VAV3: variants seen among roughly 807,000 people sequenced by gnomAD.
The protein encoded by VAV3 is guanine nucleotide exchange factor VAV3.
In VAV3, 94 loss-of-function variants were observed where a neutral mutation model predicts 131.2. The ratio of observed to expected loss-of-function variants is 0.72; its 90% CI spans 0.61 to 0.85. The LOEUF is 0.85. VAV3 is among the 40% of genes least tolerant of loss of function. The pLI, the probability that VAV3 is intolerant of heterozygous loss-of-function variation, is 0.00. For synonymous variants in VAV3, 349 were observed against 342.0 expected (o/e 1.02, Z -0.22); for missense variants, 939 against 1,002.7 (o/e 0.94, Z 0.86).
At chr1:107,950,132 A>AC (rs1240591046) in intron 1 of VAV3, among the ~76,000 whole-genome samples, 4 of 151,178 alleles carry the variant, frequency 2.6e-5, no homozygotes, top group African/African-American at 7.3e-5. Context: ...CCACAAAACA[A>AC]AAAAAAAGTA....
intron 1 of VAV3, among the ~76,000 whole-genome samples, chr1:107,946,848 T>C (rs1299770549): frequency 6.6e-6 from 1 of 152,260 alleles, no homozygotes; most frequent in Non-Finnish European, 1.5e-5. Flanking sequence ...TAGACATTAA[T>C]AACACCAACC....
rs1476027846 is a variant in VAV3, at chr1:107,928,677, G to GCTTT, written c.204+35988_204+35989insAAAG. On this transcript the variant is annotated intron_variant, in intron 1 of 26. Transcript: ENST00000370056. ...TTAAGCAGAATTAGTGAGCTTGACAGCAGGCTAGCTGAAAATACACAGTCA... is the reference window on the plus strand; with the variant it reads ...TTAAGCAGAATTAGTGAGCTTGACAGCTTTCAGGCTAGCTGAAAATACACAGTCA... Among the ~76,000 whole-genome samples the GCTTT allele has an allele frequency of 2.6e-5, 4 of 152,256 alleles. No individual in the cohort carries two copies. In the East Asian group the frequency reaches 7.7e-4, roughly 29 times the overall value.
intron 2 of VAV3, chr1:107,862,837 TATTAC>T (rs1290040110): frequency 6.6e-6 from 1 of 152,108 alleles, no homozygotes; most frequent in Non-Finnish European, 1.5e-5. Context: ...GAAGGTTTCC[TATTAC>T]ACAGAAAGAA....
chr1:107,573,100 T>C lies in VAV3; in HGVS notation c.*231A>G. 2.0e-6 allele frequency: 1 copy of C among 496,514 alleles called. No individual in the cohort carries two copies. The highest frequency in any genetic ancestry group is 3.5e-6 in the Non-Finnish European group (1 of 286,406). The allele number at this position is 496,514 out of a possible 1,614,324, so 30.8% of individuals were successfully genotyped here. Reference sequence around the variant, plus strand: ...TTGGTTTTGCCCTGGTCCCTGACAATGACAGACTGGCAGGCTGTTTCTTGC... The same window carrying C: ...TTGGTTTTGCCCTGGTCCCTGACAACGACAGACTGGCAGGCTGTTTCTTGC... On this transcript the variant is annotated 3_prime_UTR_variant, in exon 27 of 27. Transcript: ENST00000370056.
chr1:107,626,438 A>G (rs548075065), intron 20 of VAV3, among the ~76,000 whole-genome samples: 2 of 152,280 alleles, frequency 1.3e-5, no homozygotes, highest in South Asian at 2.1e-4. Context: ...CAGTATTTAC[A>G]GGCAAATACC....
chr1:107,914,870 A>G (rs149883785), intron 1 of VAV3, among the ~76,000 whole-genome samples: 68 of 152,344 alleles, frequency 4.5e-4, no homozygotes, highest in African/African-American at 1.6e-3. Context: ...AAACCAGCAC[A>G]CATAAAGCAG....
At chr1:107,593,131 G>A (rs1478366605) in intron 25 of VAV3, among the ~76,000 whole-genome samples, 1 of 145,062 alleles carries the variant, frequency 6.9e-6, no homozygotes, top group South Asian at 2.1e-4. Flanking sequence ...GCCTACAATG[G>A]GCCCCTAACT....
chr1:107,909,073 A>T (rs1672247807), intron 1 of VAV3, among the ~76,000 whole-genome samples: 2 of 152,194 alleles, frequency 1.3e-5, no homozygotes, highest in South Asian at 4.2e-4. Context: ...TGAAAGAAAA[A>T]TATTTATTTG....
At chr1:107,753,521 T>TACACACAC (rs551521573) in intron 12 of VAV3, among the ~76,000 whole-genome samples, 1 of 90,144 alleles carries the variant, frequency 1.1e-5, no homozygotes, top group South Asian at 3.2e-4. Flanking sequence ...CACATATATA[T>TACACACAC]ATATACGTAT....
chr1:107,933,669 G>A (rs1289381827), intron 1 of VAV3, among the ~76,000 whole-genome samples: 1 of 151,746 alleles, frequency 6.6e-6, no homozygotes, highest in Non-Finnish European at 1.5e-5. Flanking sequence ...TTAAAAATTA[G>A]CTGAGTATGA....
At chr1:107,609,337 GC>G (rs1652539350) in intron 22 of VAV3, 1 of 152,004 alleles carries the variant, frequency 6.6e-6, no homozygotes, top group African/African-American at 2.4e-5. Flanking sequence ...TGGTAAGGGT[GC>G]CCCATCCTTA....
At chr1:107,582,962 G>A (rs1307549027) in intron 25 of VAV3, among the ~76,000 whole-genome samples, 3 of 152,050 alleles carry the variant, frequency 2.0e-5, no homozygotes, top group Non-Finnish European at 2.9e-5. Context: ...GGTATTTCTA[G>A]TTCTAGATCC....
Position 107,642,701 on chromosome 1 carries a change from A to G in VAV3, c.1832T>C (p.Leu611Pro), listed in dbSNP as rs1424399015. Residue 611 changes from leucine (L) to proline (P), a missense_variant, in exon 20 of 27, where the codon CTG (leucine) becomes CCG (proline). Transcript: ENST00000370056. ...GAGCTGTAAAGGGGGTCCTTCATGCAGAGCTGGGGGTGGTGTTCCAGAATA... is the reference window on the plus strand; with the variant it reads ...GAGCTGTAAAGGGGGTCCTTCATGCGGAGCTGGGGGTGGTGTTCCAGAATA... ...RNYSGTPPPA[L>P]HEGPPLQLQA... 11 of 1,613,336 alleles carry G rather than the reference A, an allele frequency of 6.8e-6. No individual in the cohort carries two copies. The highest frequency in any genetic ancestry group is 1.3e-5 in the African/African-American group (1 of 74,850).
intron 1 of VAV3, among the ~76,000 whole-genome samples, chr1:107,910,287 G>A (rs1443842182): frequency 6.6e-6 from 1 of 152,078 alleles, no homozygotes; most frequent in Admixed American, 6.6e-5. Flanking sequence ...ATCTGCCATG[G>A]GTCATCAGTT....
intron 20 of VAV3, among the ~76,000 whole-genome samples, chr1:107,618,748 T>G (rs1427030567): frequency 6.6e-6 from 1 of 152,158 alleles, no homozygotes; most frequent in Non-Finnish European, 1.5e-5. Context: ...TAAATCAAAC[T>G]CAGATGTTCT....
Position 107,573,002 on chromosome 1 carries a change from G to A in VAV3, c.*329C>T. 3.2e-6 allele frequency: 1 copy of A among 313,106 alleles called. No homozygotes were observed. The highest frequency in any genetic ancestry group is 5.3e-5 in the East Asian group (1 of 18,958). The allele number at this position is 313,106 out of a possible 1,614,324, so 19.4% of individuals were successfully genotyped here. On this transcript the variant is annotated 3_prime_UTR_variant, in exon 27 of 27. Transcript: ENST00000370056. ...AGATTTACTGATGACTGGCATTCAT[G>A]GTATCTGACCAGAAGAAGTAAAGGG... is the stretch of plus-strand genomic sequence containing the variant.
chr1:107,927,774 A>G (rs1673233160), intron 1 of VAV3, among the ~76,000 whole-genome samples: 1 of 152,170 alleles, frequency 6.6e-6, no homozygotes, highest in Non-Finnish European at 1.5e-5. Context: ...AATAGAACAC[A>G]GGTAGACTTC....
chr1:107,772,017 G>A (rs1454690539), intron 5 of VAV3, among the ~76,000 whole-genome samples: 1 of 152,176 alleles, frequency 6.6e-6, no homozygotes, highest in African/African-American at 2.4e-5. Flanking sequence ...AGAGCTAAGC[G>A]CATTCATCAA....
intron 21 of VAV3, among the ~76,000 whole-genome samples, chr1:107,613,899 C>T (rs889175051): frequency 6.6e-6 from 1 of 152,056 alleles, no homozygotes; most frequent in African/African-American, 2.4e-5. Flanking sequence ...CTCTGTCACC[C>T]AGACTGGAGT....
Sources: gnomAD v4.1 joint callset for allele counts (sites outside exome capture counted in the v4.1 genomes callset) on GRCh38, gnomAD v4.1.1 for gene constraint, MANE v1.5 for transcripts, NCBI Gene and HGNC (gene_info 2026-07-23, HGNC 2026-07-21) for gene names.